Variants in PCDHA5 observed in about 807,000 individuals in gnomAD.
PCDHA5 encodes protocadherin alpha 5, also known as protocadherin alpha-5.
Under a neutral mutation model 61.6 loss-of-function variants are expected in PCDHA5, and 43 were observed. The observed-to-expected ratio is 0.70, with a 90% CI of 0.55 to 0.90. PCDHA5 has a LOEUF of 0.90. Among genes scored for constraint, PCDHA5 ranks in the 40% least tolerant of loss-of-function variants. The pLI is 0.00. For synonymous variants in PCDHA5, 627 were observed against 543.9 expected, an observed-to-expected ratio of 1.15 and a Z score of -2.13; for missense variants, 1,298 against 1,222.7, an observed-to-expected ratio of 1.06 and a Z score of -0.92.
intron 1 of PCDHA5, among the ~76,000 whole-genome samples, chr5:140,911,559 C>T (rs2075532280): frequency 6.6e-6 from 1 of 152,168 alleles, no homozygotes; most frequent in Non-Finnish European, 1.5e-5. Flanking sequence ...CATTTTCTTT[C>T]ATCACTTTGT....
At chr5:140,936,640 C>T (rs782162757) in intron 1 of PCDHA5, among the ~76,000 whole-genome samples, 2 of 152,208 alleles carry the variant, frequency 1.3e-5, no homozygotes, top group Non-Finnish European at 2.9e-5. Flanking sequence ...TCATAAGCAA[C>T]GTGACTTTAT....
chr5:140,876,948 C>T, intron 1 of PCDHA5: 2 of 1,613,572 alleles, frequency 1.2e-6, no homozygotes, highest in Non-Finnish European at 1.7e-6. Context: ...TGGTGTCCTA[C>T]TCGCTGGTGG....
Position 140,848,545 on chromosome 5 carries a change from C to A in PCDHA5, c.2352+24418C>A. On this transcript the variant is annotated intron_variant, in intron 1 of 3. Coordinates refer to ENST00000529859, the MANE Select transcript of PCDHA5 (RefSeq NM_018908.3). ...CCAGAGGGTCAGCCTCTACTGCTCT[C>A]GCTTCTGATCCTCGCAATGTGGGTG... is the stretch of plus-strand genomic sequence containing the variant. 4 of 1,595,440 alleles carry A rather than the reference C, an allele frequency of 2.5e-6. 1 individual carries two copies. Among genetic ancestry groups the A allele is most frequent in the Non-Finnish European group, 3.4e-6 (4 of 1,165,436 alleles).
intron 1 of PCDHA5, chr5:140,870,490 G>T: frequency 1.2e-6 from 2 of 1,614,234 alleles, no homozygotes; most frequent in Non-Finnish European, 8.5e-7. Flanking sequence ...CACCGTGTTC[G>T]TGAAGGAGAA....
chr5:140,921,233 T>C lies in PCDHA5; in HGVS notation c.2353-57716T>C, dbSNP rs1431130539. 2.6e-5 allele frequency among the ~76,000 whole-genome samples: 4 copies of C among 152,162 alleles called. No individual in the cohort carries two copies. The East Asian group carries it at 5.8e-4, about 22-fold the overall frequency. ...TTCACGTCTTTTTTGCTAGATGATATTAAGCCACAGATCAAAAAGTCCTAG... is the reference window on the plus strand; with the variant it reads ...TTCACGTCTTTTTTGCTAGATGATACTAAGCCACAGATCAAAAAGTCCTAG... On this transcript the variant is annotated intron_variant, in intron 1 of 3. Coordinates refer to ENST00000529859, the MANE Select transcript of PCDHA5 (RefSeq NM_018908.3).
intron 1 of PCDHA5, among the ~76,000 whole-genome samples, chr5:140,907,524 C>T (rs562373233): frequency 2.6e-5 from 4 of 152,314 alleles, no homozygotes; most frequent in Non-Finnish European, 4.4e-5. Flanking sequence ...GAGGACAAAT[C>T]GCTGCCCTTT....
intron 1 of PCDHA5, chr5:140,867,619 C>G (rs1554161426): frequency 6.6e-6 from 1 of 152,174 alleles, no homozygotes; most frequent in African/African-American, 2.4e-5. Context: ...AACTATAGAA[C>G]AAAATATTTA....
At position 140,841,487 on chromosome 5, in the gene PCDHA5, C is replaced by G. The variant is rs2150316541; in HGVS notation, c.2352+17360C>G. The G allele has an allele frequency of 6.2e-7, 1 of 1,613,022 alleles. No homozygotes were observed. Among genetic ancestry groups the G allele is most frequent in the Non-Finnish European group, 8.5e-7 (1 of 1,179,924 alleles). On this transcript the variant is annotated intron_variant, in intron 1 of 3. Transcript: ENST00000529859. ...GATCGCGCAGGACCTGGGGCTGGAG[C>G]TGGCGGAGCTGGTGCCGCGCCTGTT...
chr5:140,922,564 A>G (rs556829032), intron 1 of PCDHA5, among the ~76,000 whole-genome samples: 1 of 152,358 alleles, frequency 6.6e-6, no homozygotes, highest in South Asian at 2.1e-4. Context: ...AGTCAGGATG[A>G]CAAGTTGCCC....
At chr5:140,849,947 G>C in intron 1 of PCDHA5, 1 of 1,597,838 alleles carries the variant, frequency 6.3e-7, no homozygotes, top group East Asian at 2.2e-5. Context: ...ACGCTGACGC[G>C]CAGGAGAACG....
intron 2 of PCDHA5, among the ~76,000 whole-genome samples, chr5:140,980,702 G>A (rs1472407152): frequency 6.6e-6 from 1 of 151,558 alleles, no homozygotes; most frequent in Non-Finnish European, 1.5e-5. Flanking sequence ...AAAGCCAAAT[G>A]TGCTCCTATT....
At chr5:141,001,280 G>T (rs1308036863) in intron 3 of PCDHA5, among the ~76,000 whole-genome samples, 2 of 152,162 alleles carry the variant, frequency 1.3e-5, no homozygotes, top group South Asian at 2.1e-4. Context: ...TTTTTTTACG[G>T]ATGAAAACTG....
intron 1 of PCDHA5, chr5:140,828,525 C>A (rs2150156420): frequency 1.9e-6 from 3 of 1,614,244 alleles, no homozygotes; most frequent in East Asian, 4.5e-5. Context: ...ATTTACGAAT[C>A]TAGGCTGCCA....
intron 1 of PCDHA5, chr5:140,870,868 G>A (rs550915753): frequency 1.2e-6 from 2 of 1,613,944 alleles, no homozygotes; most frequent in Non-Finnish European, 1.7e-6. Flanking sequence ...TGCGGGCCAC[G>A]TGGTGGCGAA....
At position 140,857,332 on chromosome 5, in the gene PCDHA5, C is replaced by G. The variant is rs782461373; in HGVS notation, c.2352+33205C>G. The G allele has an allele frequency of 1.9e-6, 3 of 1,598,330 alleles. 1 individual carries two copies. The highest frequency in any genetic ancestry group is 2.6e-6 in the Non-Finnish European group (3 of 1,167,876). On this transcript the variant is annotated intron_variant, in intron 1 of 3. Transcript: ENST00000529859. Reference sequence around the variant, plus strand: ...ATGAGCTGGTGGTGACCGCGCGGGACGGGGGCTCGCCTCCGCTGTGGGCCA... The same window carrying G: ...ATGAGCTGGTGGTGACCGCGCGGGAGGGGGGCTCGCCTCCGCTGTGGGCCA...
intron 1 of PCDHA5, among the ~76,000 whole-genome samples, chr5:140,918,360 G>A (rs1243919537): frequency 1.3e-5 from 2 of 152,082 alleles, no homozygotes; most frequent in African/African-American, 4.8e-5. Flanking sequence ...CTTCCTCTCT[G>A]CCTATTTGGA....
At chr5:140,857,744 G>T (rs1374937613) in intron 1 of PCDHA5, 1 of 1,597,416 alleles carries the variant, frequency 6.3e-7, no homozygotes, top group Non-Finnish European at 8.6e-7. Context: ...CGCGCTGCTG[G>T]CGTCTCCCGC....
At chr5:140,877,697 C>A in intron 1 of PCDHA5, 2 of 1,613,912 alleles carry the variant, frequency 1.2e-6, no homozygotes, top group Non-Finnish European at 1.7e-6. Context: ...CTGGTGTGCT[C>A]CAGCGCCGTG....
intron 1 of PCDHA5, chr5:140,857,401 G>C: frequency 1.9e-6 from 3 of 1,598,170 alleles, no homozygotes; most frequent in Non-Finnish European, 2.6e-6. Flanking sequence ...ACGACAACGC[G>C]CCTGCGTTCG....
Sources: allele counts gnomAD v4.1 joint callset (sites outside exome capture counted in the v4.1 genomes callset), GRCh38; gene constraint gnomAD v4.1.1; transcripts MANE v1.5; gene names NCBI Gene and HGNC (gene_info 2026-07-23, HGNC 2026-07-21).